HAVCR1: variants seen among roughly 807,000 people sequenced by gnomAD.
HAVCR1 encodes hepatitis A virus cellular receptor 1.
HAVCR1 carries 34 observed loss-of-function variants against 32.0 expected under a neutral mutation model. That is an observed-to-expected ratio of 1.06 (90% CI 0.81 to 1.42). The LOEUF is 1.42. HAVCR1 is among the 40% of genes most tolerant of loss of function. The pLI is 0.00. For missense variants in HAVCR1, 420 were observed against 442.3 expected (o/e 0.95, Z 0.45); for synonymous variants, 178 against 170.3 (o/e 1.05, Z -0.35).
chr5:157,064,834 C>T, the HAVCR1 span, among the ~76,000 whole-genome samples: 1 of 152,072 alleles, frequency 6.6e-6, no homozygotes. Context: ...TGACACTGCA[C>T]TCTAGTCTGG....
intron 5 of HAVCR1, 54 bp downstream of exon 5, chr5:157,048,984 A>G (rs1581711565): frequency 2.9e-6 from 3 of 1,027,312 alleles, no homozygotes; most frequent in Non-Finnish European, 3.1e-6. Flanking sequence ...AACAAAGTCA[A>G]TGGTTATCAA....
chr5:157,059,970 C>A (rs989684974), upstream of HAVCR1, among the ~76,000 whole-genome samples: 5 of 151,948 alleles, frequency 3.3e-5, no homozygotes, highest in African/African-American at 1.2e-4. Flanking sequence ...CAGAGCAAGA[C>A]CCTGTTTCTT....
chr5:157,036,336 G>A (rs953174430), intron 7 of HAVCR1, among the ~76,000 whole-genome samples: 4 of 152,100 alleles, frequency 2.6e-5, no homozygotes, highest in African/African-American at 7.2e-5. Flanking sequence ...AAAATTAGCC[G>A]GGCGTGGTGG....
At chr5:157,041,411 T>A (rs977686004) in intron 6 of HAVCR1, among the ~76,000 whole-genome samples, 2 of 151,742 alleles carry the variant, frequency 1.3e-5, no homozygotes, top group African/African-American at 4.8e-5. Flanking sequence ...GGCAGGGGAA[T>A]CACTTGAACC....
chr5:157,065,251 G>A, the HAVCR1 span, among the ~76,000 whole-genome samples: 2 of 151,888 alleles, frequency 1.3e-5, no homozygotes, highest in African/African-American at 2.4e-5. Context: ...CCTGGGAGGC[G>A]GAGCTTGCAG....
At chr5:157,057,403 GAAAGA>G (rs1554092995) in intron 2 of HAVCR1, among the ~76,000 whole-genome samples, 2 of 63,586 alleles carry the variant, frequency 3.1e-5, no homozygotes, top group Non-Finnish European at 7.6e-5. Flanking sequence ...AAGAAAGAAA[GAAAGA>G]AAGAAAGAAA....
intron 3 of HAVCR1, among the ~76,000 whole-genome samples, chr5:157,053,004 C>T (rs1412126716): frequency 6.6e-6 from 1 of 152,196 alleles, no homozygotes; most frequent in Non-Finnish European, 1.5e-5. Flanking sequence ...CCTCGAACTC[C>T]CAGGCTGAAG....
At chr5:157,039,483 G>A (rs1224526455) in intron 6 of HAVCR1, among the ~76,000 whole-genome samples, 1 of 152,044 alleles carries the variant, frequency 6.6e-6, no homozygotes, top group Non-Finnish European at 1.5e-5. Flanking sequence ...CAAGTAGCTG[G>A]GATTACAGGC....
intron 7 of HAVCR1, among the ~76,000 whole-genome samples, chr5:157,036,377 G>GCCTC: frequency 6.6e-6 from 1 of 152,294 alleles, no homozygotes; most frequent in South Asian, 2.1e-4. Flanking sequence ...TACTCAGGAG[G>GCCTC]CTGAGGCAGG....
rs1337808754 is a variant in HAVCR1 at position 157,044,399 on chromosome 5, AGGAAGGAAGGAAGGAAGGAAGG to A, written c.782-1739_782-1718del. On this transcript the variant is annotated intron_variant, in intron 5 of 8. Transcript: ENST00000523175. ...AAGGAAGGAAGGAAGGAAGGAAGGA[AGGAAGGAAGGAAGGAAGGAAGG>A]AGAAAGAAAGAAAGAAAGAAAGAAA... Among the ~76,000 whole-genome samples, 278 of 39,674 alleles carry A rather than the reference AGGAAGGAAGGAAGGAAGGAAGG, an allele frequency of 7.0e-3. 4 individuals are homozygous for A. The highest frequency in any genetic ancestry group is 0.024 in the Middle Eastern group (2 of 82). The allele number at this position is 39,674 out of a possible 152,430, so 26.0% of individuals were successfully genotyped here. A position where few individuals can be genotyped will look rare whatever the true frequency, so the allele number is the denominator to read the frequency against.
the HAVCR1 span, among the ~76,000 whole-genome samples, chr5:157,067,169 G>A: frequency 2.1e-3 from 316 of 152,356 alleles, 3 homozygotes; most frequent in East Asian, 0.036. Flanking sequence ...ATGCTCTGCA[G>A]CTACCTGCAG....
At chr5:157,047,820 G>A (rs967605029) in intron 5 of HAVCR1, among the ~76,000 whole-genome samples, 19 of 152,118 alleles carry the variant, frequency 1.2e-4, no homozygotes, top group African/African-American at 3.9e-4. Context: ...GAAACTGGCC[G>A]CTCAGAAGTT....
intron 5 of HAVCR1, among the ~76,000 whole-genome samples, chr5:157,043,010 G>C (rs1012607797): frequency 4.3e-4 from 66 of 152,276 alleles, no homozygotes; most frequent in African/African-American, 1.5e-3. Flanking sequence ...ACCAGGTTAA[G>C]AATGCCATTT....
chr5:157,066,254 TTA>T, the HAVCR1 span, among the ~76,000 whole-genome samples: 2 of 151,982 alleles, frequency 1.3e-5, no homozygotes, highest in South Asian at 4.2e-4. Context: ...AAGCTGGAGA[TTA>T]TCAGTGAGCC....
intron 5 of HAVCR1, among the ~76,000 whole-genome samples, chr5:157,042,910 T>C (rs1368434217): frequency 6.6e-6 from 1 of 152,208 alleles, no homozygotes; most frequent in Non-Finnish European, 1.5e-5. Context: ...AAATGGACTC[T>C]TGTTTTTTCT....
the HAVCR1 span, among the ~76,000 whole-genome samples, chr5:157,066,100 T>C: frequency 8.5e-6 from 1 of 117,806 alleles, no homozygotes; most frequent in African/African-American, 3.4e-5. Context: ...GAGGCACCAA[T>C]ACAGAAATGG....
intron 5 of HAVCR1, among the ~76,000 whole-genome samples, chr5:157,046,384 A>T (rs1158430057): frequency 6.6e-6 from 1 of 152,222 alleles, no homozygotes; most frequent in Admixed American, 6.5e-5. Flanking sequence ...GGGAAAGATG[A>T]CAGGTTTCAG....
chr5:157,042,230 C>G (rs1365773707), intron 6 of HAVCR1, among the ~76,000 whole-genome samples: 1 of 151,972 alleles, frequency 6.6e-6, no homozygotes, highest in East Asian at 1.9e-4. Context: ...ATCATGAGGT[C>G]AGGAGATCGA....
chr5:157,055,957 A>AT (rs1432687082), intron 2 of HAVCR1, among the ~76,000 whole-genome samples: 1 of 151,094 alleles, frequency 6.6e-6, no homozygotes, highest in Non-Finnish European at 1.5e-5. Flanking sequence ...TTTATTTTTT[A>AT]TTTTTTTAAG....
Sources: gnomAD v4.1 joint callset for allele counts (sites outside exome capture counted in the v4.1 genomes callset) on GRCh38, gnomAD v4.1.1 for gene constraint, MANE v1.5 for transcripts, NCBI Gene and HGNC (gene_info 2026-07-23, HGNC 2026-07-21) for gene names.